Variants in LEKR1 observed in about 807,000 individuals in gnomAD.
The protein encoded by LEKR1 is protein LEKR1.
In LEKR1, 59 loss-of-function variants were observed where a neutral mutation model predicts 72.4. The ratio of observed to expected loss-of-function variants is 0.82; its 90% CI spans 0.66 to 1.01. The LOEUF is 1.01. Among genes scored for constraint, LEKR1 ranks in the 50% least tolerant of loss-of-function variants. The pLI is 0.00. For synonymous variants in LEKR1, 257 were observed against 263.2 expected, an observed-to-expected ratio of 0.98 and a Z score of 0.23; for missense variants, 728 against 759.2, an observed-to-expected ratio of 0.96 and a Z score of 0.48.
chr3:156,909,012 T>C (rs1173748914), intron 3 of LEKR1, among the ~76,000 whole-genome samples: 1 of 152,150 alleles, frequency 6.6e-6, no homozygotes, highest in Non-Finnish European at 1.5e-5. Flanking sequence ...GTTTCCCCCA[T>C]ACTGTTCTTG....
intron 7 of LEKR1, among the ~76,000 whole-genome samples, chr3:156,990,379 G>C (rs902300830): frequency 1.3e-5 from 2 of 152,110 alleles, no homozygotes; most frequent in African/African-American, 4.8e-5. Context: ...TTACTGGGGG[G>C]TTTGTTCTCT....
chr3:156,832,534 T>C (rs1278461203), intron 2 of LEKR1, among the ~76,000 whole-genome samples: 1 of 152,226 alleles, frequency 6.6e-6, no homozygotes, highest in Non-Finnish European at 1.5e-5. Flanking sequence ...ATTTGCCAAA[T>C]AGGTTCTTTT....
chr3:156,861,524 C>A (rs1716762106), intron 3 of LEKR1, among the ~76,000 whole-genome samples: 1 of 151,956 alleles, frequency 6.6e-6, no homozygotes, highest in Non-Finnish European at 1.5e-5. Flanking sequence ...TCTGATTTGC[C>A]CATTTTGGGG....
At chr3:156,881,535 T>C (rs1362868275) in intron 3 of LEKR1, among the ~76,000 whole-genome samples, 1 of 151,298 alleles carries the variant, frequency 6.6e-6, no homozygotes, top group Non-Finnish European at 1.5e-5. Context: ...TCCATGCTCA[T>C]GGGTAGGAAG....
chr3:156,923,665 T>G (rs888117624), intron 4 of LEKR1, among the ~76,000 whole-genome samples: 10 of 152,172 alleles, frequency 6.6e-5, no homozygotes, highest in Non-Finnish European at 7.4e-5. Flanking sequence ...TGGACATATG[T>G]TTTCAATTCT....
chr3:156,970,850 A>G (rs933160171), intron 6 of LEKR1, among the ~76,000 whole-genome samples: 34 of 152,142 alleles, frequency 2.2e-4, no homozygotes, highest in African/African-American at 7.5e-4. Context: ...GGATACAAAC[A>G]AATGGAAGAA....
At chr3:156,931,065 C>A (rs1228460191) in intron 5 of LEKR1, among the ~76,000 whole-genome samples, 1 of 152,066 alleles carries the variant, frequency 6.6e-6, no homozygotes, top group Non-Finnish European at 1.5e-5. Flanking sequence ...GTGAATTAGA[C>A]TTTATCAGAA....
At chr3:156,976,276 C>A (rs1172333745) in intron 6 of LEKR1, among the ~76,000 whole-genome samples, 1 of 152,018 alleles carries the variant, frequency 6.6e-6, no homozygotes, top group Non-Finnish European at 1.5e-5. Flanking sequence ...TATCAAGTAC[C>A]AGTTCTTTGA....
At chr3:156,835,603 A>G (rs1306891766) in intron 2 of LEKR1, among the ~76,000 whole-genome samples, 1 of 152,086 alleles carries the variant, frequency 6.6e-6, no homozygotes, top group Non-Finnish European at 1.5e-5. Flanking sequence ...CCATTCCCCA[A>G]TCCATACTTT....
At chr3:156,974,206 C>T (rs1367291166) in intron 6 of LEKR1, among the ~76,000 whole-genome samples, 3 of 152,066 alleles carry the variant, frequency 2.0e-5, no homozygotes, top group Non-Finnish European at 4.4e-5. Context: ...CAGAGTGAAT[C>T]ATATCTACAT....
chr3:156,965,015 T>G (rs1175445827), intron 6 of LEKR1, among the ~76,000 whole-genome samples: 1 of 152,204 alleles, frequency 6.6e-6, no homozygotes, highest in Admixed American at 6.5e-5. Flanking sequence ...GTATCCATTT[T>G]CTGGTTTTGA....
Position 156,955,807 on chromosome 3 carries a change from C to CT in LEKR1, c.745+13098dup, listed in dbSNP as rs1338141980. ...CAGGGATATATTGGCCTGAAGTTTT[C>CT]TTTTTGTTGTTGTTGTTGTTGTTGT... On this transcript the variant is annotated intron_variant, in intron 6 of 12. Coordinates refer to ENST00000356539, the MANE Select transcript of LEKR1 (RefSeq NM_001004316.3). Among the ~76,000 whole-genome samples the CT allele has an allele frequency of 4.6e-4, 70 of 151,472 alleles. 1 individual carries two copies. The Middle Eastern group carries it at 0.031, about 66-fold the overall frequency.
At chr3:156,840,177 G>A (rs1220477478) in intron 2 of LEKR1, among the ~76,000 whole-genome samples, 3 of 152,138 alleles carry the variant, frequency 2.0e-5, no homozygotes, top group African/African-American at 7.2e-5. Flanking sequence ...TTATCAGCAA[G>A]GCTTCCTGTC....
rs188952077 is a variant in LEKR1 at position 156,862,092 on chromosome 3, T to G, written c.263+9110T>G. ...TTATTTAACAATATTGATAGACCTA[T>G]GTATATGTGTATATCTTTTATTACC... On this transcript the variant is annotated intron_variant, in intron 3 of 12. Coordinates refer to ENST00000356539, the MANE Select transcript of LEKR1 (RefSeq NM_001004316.3). Among the ~76,000 whole-genome samples the G allele has an allele frequency of 5.9e-5, 9 of 152,248 alleles. No homozygotes were observed. The East Asian group carries it at 1.7e-3, about 29-fold the overall frequency.
At chr3:156,906,648 G>A (rs1378640248) in intron 3 of LEKR1, among the ~76,000 whole-genome samples, 2 of 152,138 alleles carry the variant, frequency 1.3e-5, no homozygotes, top group Non-Finnish European at 2.9e-5. Flanking sequence ...AAACATTTGT[G>A]CTTTTCCAGT....
At chr3:156,953,049 T>A (rs1414362657) in intron 6 of LEKR1, among the ~76,000 whole-genome samples, 1 of 151,428 alleles carries the variant, frequency 6.6e-6, no homozygotes, top group Non-Finnish European at 1.5e-5. Context: ...TTACTTGTAC[T>A]CTCTATAAAT....
At chr3:156,967,931 C>T (rs964264449) in intron 6 of LEKR1, among the ~76,000 whole-genome samples, 8 of 152,182 alleles carry the variant, frequency 5.3e-5, no homozygotes, top group African/African-American at 9.7e-5. Flanking sequence ...GATCTCTCAG[C>T]AGAAACTCTA....
At chr3:156,935,700 A>G (rs919819929) in intron 5 of LEKR1, among the ~76,000 whole-genome samples, 1 of 152,198 alleles carries the variant, frequency 6.6e-6, no homozygotes, top group Non-Finnish European at 1.5e-5. Flanking sequence ...AGAAGCATGC[A>G]GACCTTCGCT....
intron 3 of LEKR1, among the ~76,000 whole-genome samples, chr3:156,912,449 G>A (rs1723206195): frequency 6.6e-6 from 1 of 152,150 alleles, no homozygotes; most frequent in Admixed American, 6.5e-5. Context: ...ACTGGGCAAG[G>A]CAGGTTTCTC....
Sources: gnomAD v4.1 joint callset for allele counts (sites outside exome capture counted in the v4.1 genomes callset) on GRCh38, gnomAD v4.1.1 for gene constraint, MANE v1.5 for transcripts, NCBI Gene and HGNC (gene_info 2026-07-23, HGNC 2026-07-21) for gene names.